Variants in RABGAP1 observed in about 807,000 individuals in gnomAD.
The protein encoded by RABGAP1 is rab GTPase-activating protein 1.
A neutral mutation model predicts 137.6 loss-of-function variants in RABGAP1; 23 were observed. The observed-to-expected ratio is 0.17, with a 90% CI of 0.12 to 0.24. The LOEUF (loss-of-function observed/expected upper bound fraction) is 0.24, where lower values mean the gene tolerates loss of function less well. Among genes scored for constraint, RABGAP1 ranks in the 10% least tolerant of loss-of-function variants. The probability of loss-of-function intolerance (pLI) is 1.00; values close to 1 mark genes in which losing one functional copy is unlikely to be tolerated. For missense variants in RABGAP1, 906 were observed against 1,275.8 expected (o/e 0.71, Z 4.42); for synonymous variants, 451 against 450.7 (o/e 1.00, Z -0.01).
intron 1 of RABGAP1, 101 bp from the exon 2 acceptor site, chr9:122,956,910 C>A: frequency 1.8e-6 from 1 of 551,152 alleles, no homozygotes; most frequent in Non-Finnish European, 2.7e-6. Flanking sequence ...ATTTTTGAAG[C>A]ATTTAAAAAA....
intron 2 of RABGAP1, among the ~76,000 whole-genome samples, chr9:122,964,675 A>G (rs912680092): frequency 6.6e-6 from 1 of 152,208 alleles, no homozygotes; most frequent in Non-Finnish European, 1.5e-5. Context: ...AAGGAGGTCT[A>G]CACTCACCAC....
At chr9:122,933,285 T>C in the RABGAP1 span, among the ~76,000 whole-genome samples, 1 of 152,130 alleles carries the variant, frequency 6.6e-6, no homozygotes, top group African/African-American at 2.4e-5. Context: ...GCCTATAATT[T>C]TTATATAATC....
intron 19 of RABGAP1, among the ~76,000 whole-genome samples, chr9:123,078,011 C>G (rs1048785615): frequency 6.6e-6 from 1 of 152,042 alleles, no homozygotes; most frequent in Non-Finnish European, 1.5e-5. Context: ...TGTGTGTAAA[C>G]TGATATAACA....
intron 21 of RABGAP1, among the ~76,000 whole-genome samples, chr9:123,090,785 A>G (rs1353109370): frequency 6.6e-6 from 1 of 152,230 alleles, no homozygotes; most frequent in African/African-American, 2.4e-5. Context: ...GCCAGTTGGA[A>G]TGCAGCTCAG....
intron 13 of RABGAP1, among the ~76,000 whole-genome samples, chr9:123,040,315 A>C (rs1304985804): frequency 6.6e-6 from 1 of 152,172 alleles, no homozygotes; most frequent in Non-Finnish European, 1.5e-5. Context: ...TAAGAAGTAG[A>C]TGCTGGTAAT....
intron 2 of RABGAP1, among the ~76,000 whole-genome samples, chr9:122,981,884 A>G (rs770777596): frequency 3.9e-5 from 6 of 152,182 alleles, no homozygotes; most frequent in Non-Finnish European, 8.8e-5. Context: ...CGCCGTCTCT[A>G]CTAAAAATAC....
At chr9:122,996,916 C>A in intron 8 of RABGAP1, 1 of 472,110 alleles carries the variant, frequency 2.1e-6, no homozygotes, top group Non-Finnish European at 3.9e-6. Context: ...GTGTATCTTA[C>A]CAATAGTAGG....
chr9:123,035,896 G>C (rs16912514), intron 13 of RABGAP1, among the ~76,000 whole-genome samples: 2,425 of 152,266 alleles, frequency 0.016, 36 homozygotes, highest in South Asian at 0.067. Context: ...ACAGTTCTCA[G>C]ATTTAAAATG....
chr9:122,945,490 C>G (rs564118299), intron 1 of RABGAP1: 41 of 152,156 alleles, frequency 2.7e-4, no homozygotes, highest in African/African-American at 7.2e-4. Context: ...CCCTAAATCC[C>G]TTTTTCTGAT....
intron 1 of RABGAP1, among the ~76,000 whole-genome samples, chr9:122,945,070 GA>G (rs1236227781): frequency 1.4e-5 from 2 of 147,030 alleles, no homozygotes; most frequent in Non-Finnish European, 3.0e-5. Context: ...AGATCCCACT[GA>G]AAAAAAATTC....
At chr9:123,058,062 G>GAGAGGGGGAGAGGGGGAGAGGGGT in intron 13 of RABGAP1, among the ~76,000 whole-genome samples, 1 of 150,948 alleles carries the variant, frequency 6.6e-6, no homozygotes, top group Non-Finnish European at 1.5e-5. Context: ...GGGAGAGGGG[G>GAGAGGGGGAGAGGGGGAGAGGGGT]AGAGGGGGAG....
At chr9:122,954,838 T>C (rs1280045417) in intron 1 of RABGAP1, among the ~76,000 whole-genome samples, 2 of 152,196 alleles carry the variant, frequency 1.3e-5, no homozygotes, top group African/African-American at 2.4e-5. Context: ...ATTTTTGACT[T>C]TGACTCTAAC....
At chr9:122,951,005 T>A (rs1398393532) in intron 1 of RABGAP1, among the ~76,000 whole-genome samples, 1 of 152,128 alleles carries the variant, frequency 6.6e-6, no homozygotes, top group Non-Finnish European at 1.5e-5. Context: ...AAATAATTCT[T>A]TGGGTTGTGA....
intron 2 of RABGAP1, among the ~76,000 whole-genome samples, chr9:122,972,643 ATT>A (rs1005735952): frequency 7.9e-5 from 12 of 152,228 alleles, no homozygotes; most frequent in African/African-American, 2.6e-4. Context: ...TGCTGTAGAG[ATT>A]CTCTGGCCGT....
chr9:122,952,062 G>GA (rs1834281025), intron 1 of RABGAP1, among the ~76,000 whole-genome samples: 1 of 152,108 alleles, frequency 6.6e-6, no homozygotes, highest in South Asian at 2.1e-4. Context: ...TAAAAGTAGT[G>GA]AAAGAGTAGC....
At chr9:123,076,359 C>T (rs561630145) in intron 18 of RABGAP1, 73 bp downstream of exon 18, 3 of 1,500,184 alleles carry the variant, frequency 2.0e-6, no homozygotes, top group Middle Eastern at 1.7e-4. Context: ...GTTGTAGTCT[C>T]ATTCTGAGCA....
chr9:122,944,543 T>G (rs1309886624), intron 1 of RABGAP1, among the ~76,000 whole-genome samples: 5 of 151,216 alleles, frequency 3.3e-5, no homozygotes, highest in Admixed American at 3.3e-4. Flanking sequence ...TTTTCTTCTT[T>G]TGAAACGGAG....
chr9:123,011,546 T>C (rs946109471), intron 11 of RABGAP1, among the ~76,000 whole-genome samples: 2 of 152,264 alleles, frequency 1.3e-5, no homozygotes, highest in Non-Finnish European at 2.9e-5. Context: ...ATTGCCCTTA[T>C]GATTAATCAA....
chr9:123,034,594 A>G (rs904161975), intron 13 of RABGAP1: 1 of 1,610,108 alleles, frequency 6.2e-7, no homozygotes, highest in African/African-American at 1.3e-5. Context: ...TGGTAATCAG[A>G]GCAGCCACCC....
Sources: allele counts gnomAD v4.1 joint callset (sites outside exome capture counted in the v4.1 genomes callset), GRCh38; gene constraint gnomAD v4.1.1; transcripts MANE v1.5; gene names NCBI Gene and HGNC (gene_info 2026-07-23, HGNC 2026-07-21).